The following CHST11 variants were observed in gnomAD, a reference collection of about 807,000 sequenced individuals.
CHST11 encodes the protein carbohydrate sulfotransferase 11.
CHST11 carries 9 observed loss-of-function variants against 30.4 expected under a neutral mutation model. The observed-to-expected ratio is 0.30, with a 90% confidence interval of 0.18 to 0.52. The LOEUF (loss-of-function observed/expected upper bound fraction) is 0.52. Among genes scored for constraint, CHST11 ranks in the 20% least tolerant of loss-of-function variants. The pLI, the probability that CHST11 is intolerant of heterozygous loss-of-function variation, is 0.97. For synonymous variants in CHST11, 152 were observed against 187.8 expected (o/e 0.81, Z 1.56); for missense variants, 348 against 460.6 (o/e 0.76, Z 2.24).
intron 1 of CHST11, among the ~76,000 whole-genome samples, chr12:104,503,375 C>T (rs1325398039): frequency 6.6e-6 from 1 of 152,234 alleles, no homozygotes; most frequent in Non-Finnish European, 1.5e-5. Flanking sequence ...AATCTGCATT[C>T]TAACCCCACA....
chr12:104,534,125 A>G (rs1453090670), intron 1 of CHST11, among the ~76,000 whole-genome samples: 1 of 152,200 alleles, frequency 6.6e-6, no homozygotes, highest in Non-Finnish European at 1.5e-5. Context: ...TTTTTCCTTC[A>G]ACATTGTCAG....
chr12:104,553,694 A>G (rs1211566188), intron 1 of CHST11, among the ~76,000 whole-genome samples: 3 of 152,142 alleles, frequency 2.0e-5, no homozygotes, highest in African/African-American at 7.2e-5. Flanking sequence ...ATCTGCCCCC[A>G]TGATCCAATC....
At chr12:104,486,844 G>T (rs1212787030) in intron 1 of CHST11, among the ~76,000 whole-genome samples, 1 of 152,182 alleles carries the variant, frequency 6.6e-6, no homozygotes, top group Non-Finnish European at 1.5e-5. Flanking sequence ...TGAAGGAAGA[G>T]CATGTTTAAA....
intron 2 of CHST11, among the ~76,000 whole-genome samples, chr12:104,681,766 T>C (rs1466163032): frequency 6.6e-6 from 1 of 151,990 alleles, no homozygotes; most frequent in East Asian, 1.9e-4. Flanking sequence ...GAAGTCTGTT[T>C]TTCAGTCTGA....
At chr12:104,616,185 T>A (rs886593560) in intron 2 of CHST11, among the ~76,000 whole-genome samples, 2 of 152,184 alleles carry the variant, frequency 1.3e-5, no homozygotes, top group African/African-American at 4.8e-5. Context: ...TGCCATCATC[T>A]TATAAATCCA....
At chr12:104,601,783 G>C (rs1370868355) in intron 1 of CHST11, 123 bp from the exon 2 acceptor site, 8 of 709,578 alleles carry the variant, frequency 1.1e-5, no homozygotes, top group East Asian at 2.7e-5. Flanking sequence ...ATCTTCCTTT[G>C]CTAGAAGCTG....
intron 1 of CHST11, among the ~76,000 whole-genome samples, chr12:104,578,505 C>A (rs749192548): frequency 6.6e-6 from 1 of 152,148 alleles, no homozygotes; most frequent in Admixed American, 6.5e-5. Context: ...ATTTTCAGAA[C>A]CCCCTGCCTC....
intron 1 of CHST11, among the ~76,000 whole-genome samples, chr12:104,531,470 A>C (rs2038183323): frequency 8.2e-6 from 1 of 121,774 alleles, no homozygotes; most frequent in South Asian, 3.7e-4. Context: ...GTGTCCAAAA[A>C]AAAAAAAAAA....
At chr12:104,673,540 C>T (rs1489036661) in intron 2 of CHST11, among the ~76,000 whole-genome samples, 1 of 152,162 alleles carries the variant, frequency 6.6e-6, no homozygotes, top group African/African-American at 2.4e-5. Flanking sequence ...TAAATGAGTT[C>T]ATGTAAGTAC....
chr12:104,724,807 C>T (rs1168832083), intron 2 of CHST11, among the ~76,000 whole-genome samples: 1 of 152,134 alleles, frequency 6.6e-6, no homozygotes, highest in Non-Finnish European at 1.5e-5. Context: ...AATACAAGAA[C>T]ACCCAGTTAA....
At chr12:104,502,865 T>G (rs1420931600) in intron 1 of CHST11, among the ~76,000 whole-genome samples, 1 of 152,198 alleles carries the variant, frequency 6.6e-6, no homozygotes, top group Non-Finnish European at 1.5e-5. Flanking sequence ...GCAAGAAAAG[T>G]GCCATATCAG....
intron 2 of CHST11, among the ~76,000 whole-genome samples, chr12:104,725,466 G>A (rs1009401220): frequency 2.1e-4 from 32 of 151,934 alleles, no homozygotes; most frequent in African/African-American, 7.2e-4. Context: ...ACAGTTCTCA[G>A]GTTCCTTTCA....
chr12:104,623,215 A>C (rs1254311481), intron 2 of CHST11, among the ~76,000 whole-genome samples: 2 of 152,186 alleles, frequency 1.3e-5, no homozygotes, highest in Non-Finnish European at 2.9e-5. Flanking sequence ...GCCTCACCAC[A>C]CTGCAAGGGT....
At chr12:104,610,663 G>C (rs1012382505) in intron 2 of CHST11, among the ~76,000 whole-genome samples, 1 of 152,180 alleles carries the variant, frequency 6.6e-6, no homozygotes, top group Non-Finnish European at 1.5e-5. Context: ...AGAATGGATA[G>C]AACTGAAACA....
intron 1 of CHST11, among the ~76,000 whole-genome samples, chr12:104,488,458 C>T (rs1445101795): frequency 1.4e-5 from 2 of 144,848 alleles, no homozygotes; most frequent in Non-Finnish European, 3.0e-5. Context: ...TGTGTATATG[C>T]ATGTATGTGT....
intron 2 of CHST11, among the ~76,000 whole-genome samples, chr12:104,619,742 G>C (rs1020054600): frequency 6.6e-6 from 1 of 152,180 alleles, no homozygotes; most frequent in Admixed American, 6.5e-5. Flanking sequence ...ACTGGGTTTT[G>C]GTTGGCTCCG....
At chr12:104,656,071 C>T (rs1487658006) in intron 2 of CHST11, among the ~76,000 whole-genome samples, 3 of 152,188 alleles carry the variant, frequency 2.0e-5, no homozygotes, top group African/African-American at 4.8e-5. Context: ...ACCTAGAAAG[C>T]AAGACTTTCG....
At chr12:104,753,202 T>C (rs1335298635) in intron 2 of CHST11, among the ~76,000 whole-genome samples, 2 of 152,232 alleles carry the variant, frequency 1.3e-5, no homozygotes, top group Non-Finnish European at 2.9e-5. Context: ...TTACAAATGT[T>C]GGGAGAATCT....
chr12:104,739,524 A>T (rs181742180), intron 2 of CHST11, among the ~76,000 whole-genome samples: 26 of 152,310 alleles, frequency 1.7e-4, no homozygotes, highest in African/African-American at 6.3e-4. Flanking sequence ...CACAGCCAGT[A>T]AGTACTAGAG....
Sources: allele counts gnomAD v4.1 joint callset (sites outside exome capture counted in the v4.1 genomes callset), GRCh38; gene constraint gnomAD v4.1.1; transcripts MANE v1.5; gene names NCBI Gene and HGNC (gene_info 2026-07-23, HGNC 2026-07-21).